Variants in MYT1 observed in about 807,000 individuals in gnomAD.
MYT1 encodes myelin transcription factor I.
In MYT1, 23 loss-of-function variants were observed where a neutral mutation model predicts 123.0. That is an observed-to-expected ratio of 0.19 (90% CI 0.13 to 0.26). The LOEUF is 0.26. Ranked by LOEUF, MYT1 falls within the 10% of genes least tolerant of loss-of-function variation. The pLI is 1.00. For missense variants in MYT1, 1,125 were observed against 1,472.5 expected (o/e 0.76, Z 3.86); for synonymous variants, 518 against 575.3 (o/e 0.90, Z 1.43).
intron 16 of MYT1, among the ~76,000 whole-genome samples, chr20:64,225,572 C>T (rs757024650): frequency 2.0e-5 from 3 of 152,138 alleles, no homozygotes; most frequent in African/African-American, 4.8e-5. Context: ...GTCCACAGCA[C>T]GGGGATGGGG....
rs1230377149 is a variant in MYT1 at position 64,190,247 on chromosome 20, A to G, written c.-1+87A>G. 1 of 152,494 alleles carries G rather than the reference A, an allele frequency of 6.6e-6. No homozygotes were observed. The highest frequency in any genetic ancestry group is 6.5e-5 in the Admixed American group (1 of 15,282). 9.4% of individuals were successfully genotyped at this position (152,494 alleles called of 1,614,324 possible). A position where few individuals can be genotyped will look rare whatever the true frequency, so the allele number is the denominator to read the frequency against. Reference sequence around the variant, plus strand: ...CTCTCTTCAGCTGCAGGCATGAAGCATGGAGGCGACTTTTGGTCTGATCCT... The same window carrying G: ...CTCTCTTCAGCTGCAGGCATGAAGCGTGGAGGCGACTTTTGGTCTGATCCT... On this transcript the variant is annotated intron_variant, in intron 2 of 22. Coordinates refer to ENST00000328439, the MANE Select transcript of MYT1 (RefSeq NM_004535.3). This position sits in a 1 kb window ranked among gnomAD's most constrained non-coding sequence, Gnocchi z 4.1.
chr20:64,226,367 G>A (rs1394437322), intron 16 of MYT1, among the ~76,000 whole-genome samples: 1 of 152,254 alleles, frequency 6.6e-6, no homozygotes, highest in Non-Finnish European at 1.5e-5. Context: ...GCGAGGAGAT[G>A]TCCTGTCCCA....
Position 64,232,214 on chromosome 20 carries a change from C to T in MYT1, c.2726C>T (p.Ala909Val), listed in dbSNP as rs1377612353. Residue 909 changes from alanine to valine, a missense_variant, in exon 19 of 23, where the codon GCC (alanine) becomes GTC (valine). Transcript: ENST00000328439. The surrounding 1 kb of genome is among the most constrained non-coding windows in gnomAD (Gnocchi z 6.9). ...VGLGHISGKYASHRSASGCPL... is the reference protein window; with the variant it reads ...VGLGHISGKYVSHRSASGCPL... ...CTCGGTCACATCAGCGGGAAATACGCCTCTCACAGGAGCGCATCCGGCTGC... is the reference window on the plus strand; with the variant it reads ...CTCGGTCACATCAGCGGGAAATACGTCTCTCACAGGAGCGCATCCGGCTGC... The T allele has an allele frequency of 2.2e-5, 36 of 1,612,612 alleles. No homozygotes were observed. The highest frequency in any genetic ancestry group is 2.5e-5 in the Non-Finnish European group (30 of 1,179,900).
Position 64,216,811 on chromosome 20 carries a change from T to C in MYT1, c.1632-256T>C, listed in dbSNP as rs757878031. Among the ~76,000 whole-genome samples the C allele has an allele frequency of 4.5e-4, 69 of 152,168 alleles. 1 individual carries two copies. The highest frequency in any genetic ancestry group is 1.3e-4 in the Admixed American group (2 of 15,278). ...CTGATGCTGTCAGCAGGACAGGCCA[T>C]TGATTATTTGAGGGTCCTATTGCTT... On this transcript the variant is annotated intron_variant, in intron 10 of 22. Transcript: ENST00000328439.
Position 64,218,081 on chromosome 20 carries a change from C to T in MYT1, c.1846+800C>T, listed in dbSNP as rs189940372. Among the ~76,000 whole-genome samples, 5 of 152,280 alleles carry T rather than the reference C, an allele frequency of 3.3e-5. No homozygotes were observed. Among genetic ancestry groups the T allele is most frequent in the East Asian group, 3.9e-4 (2 of 5,184 alleles). On this transcript the variant is annotated intron_variant, in intron 11 of 22. Coordinates refer to ENST00000328439, the MANE Select transcript of MYT1 (RefSeq NM_004535.3). The surrounding 1 kb of genome is among the most constrained non-coding windows in gnomAD (Gnocchi z 4.0). ...AGAATAATAAAAGTACTGATTGATGCGGCTGCCAGTGGGGTGTGAGCCTCT... is the reference window on the plus strand; with the variant it reads ...AGAATAATAAAAGTACTGATTGATGTGGCTGCCAGTGGGGTGTGAGCCTCT...
Position 64,218,858 on chromosome 20 carries a change from C to G in MYT1, c.1847-53C>G. 1 of 1,611,534 alleles carries G rather than the reference C, an allele frequency of 6.2e-7. No homozygotes were observed. Among genetic ancestry groups the G allele is most frequent in the South Asian group, 1.1e-5 (1 of 91,066 alleles). On this transcript the variant is annotated intron_variant, in intron 11 of 22. Transcript: ENST00000328439. This position sits in a 1 kb window ranked among gnomAD's most constrained non-coding sequence, Gnocchi z 4.0. ...AACCTTTCCCAAAGGCCTCTTCCCC[C>G]AGGCACAGCCCCTCCAGTAGTTATG...
rs913246648 is a variant in MYT1, at chr20:64,241,918, TCTTTTTCCATTTTGGGTTC to T, written c.*1476_*1494del. On this transcript the variant is annotated 3_prime_UTR_variant, in exon 23 of 23. Transcript: ENST00000328439. The surrounding 1 kb of genome is among the most constrained non-coding windows in gnomAD (Gnocchi z 4.2). ...AATGGAGAGAAAGACATTTTGGTTT[TCTTTTTCCATTTTGGGTTC>T]CTTTTGTTTCAGGCACGGATAACAG... is the stretch of plus-strand genomic sequence containing the variant. The T allele has an allele frequency of 1.3e-5, 2 of 152,442 alleles. No homozygotes were observed. Among genetic ancestry groups the T allele is most frequent in the African/African-American group, 4.8e-5 (2 of 41,462 alleles). The allele number at this position is 152,442 out of a possible 1,614,324, so 9.4% of individuals were successfully genotyped here.
chr20:64,187,935 G>T (rs1483327420), intron 1 of MYT1, among the ~76,000 whole-genome samples: 2 of 152,222 alleles, frequency 1.3e-5, no homozygotes, highest in Non-Finnish European at 2.9e-5. Context: ...CAGCGGCTTT[G>T]CTGCCTCAGG....
chr20:64,178,598 G>A (rs149807147), intron 1 of MYT1, among the ~76,000 whole-genome samples: 412 of 145,684 alleles, frequency 2.8e-3, no homozygotes, highest in African/African-American at 0.01. Flanking sequence ...GCAGCACTGA[G>A]CCGTTATTCG....
Position 64,212,553 on chromosome 20 carries a change from A to G in MYT1, c.1517+415A>G, listed in dbSNP as rs1983712435. ...CGGCCTGCAGAGGAGGGAGCAATGC[A>G]CCCTCTGTGAAGAGAGGTACAACAA... On this transcript the variant is annotated intron_variant, in intron 9 of 22. Transcript: ENST00000328439. The surrounding 1 kb of genome is among the most constrained non-coding windows in gnomAD (Gnocchi z 6.8). 1.3e-5 allele frequency among the ~76,000 whole-genome samples: 2 copies of G among 151,972 alleles called. No individual in the cohort carries two copies. Among genetic ancestry groups the G allele is most frequent in the Non-Finnish European group, 1.5e-5 (1 of 67,976 alleles).
At chr20:64,240,082 CA>C (rs1800495480) in intron 22 of MYT1, among the ~76,000 whole-genome samples, 179 bp downstream of exon 22, 1 of 152,202 alleles carries the variant, frequency 6.6e-6, no homozygotes, top group Non-Finnish European at 1.5e-5. Flanking sequence ...TGGGTTTAGC[CA>C]CCATAATGAG....
In MYT1 at chr20:64,211,242, C is replaced by T. The variant is rs1206383226; in HGVS notation, c.1328C>T (p.Pro443Leu). The change falls in exon 8 of 23, where the codon CCA (proline) becomes CTA (leucine). Residue 443 changes from proline (P) to leucine (L), a missense_variant. This residue lies in a region of MYT1 where 429 missense variants were observed against 604.1 expected (regional missense o/e 0.71). Transcript: ENST00000328439. ...GCTGAGAAGCGTGAGATCAAGTGTC[C>T]AACACCAGGCTGTGATGGCACTGGC... ...SRAEKREIKCPTPGCDGTGHV... is the reference protein window; with the variant it reads ...SRAEKREIKCLTPGCDGTGHV... 1.2e-6 allele frequency: 2 copies of T among 1,613,982 alleles called. No homozygotes were observed. Among genetic ancestry groups the T allele is most frequent in the South Asian group, 2.2e-5 (2 of 90,998 alleles).
rs767677746 is a variant in MYT1 at position 64,223,151 on chromosome 20, G to A, written c.2437G>A (p.Gly813Arg). The A allele has an allele frequency of 1.6e-5, 26 of 1,613,934 alleles. No individual in the cohort carries two copies. Among genetic ancestry groups the A allele is most frequent in the Non-Finnish European group, 1.9e-5 (23 of 1,180,026 alleles). The change falls in exon 15 of 23, where the codon GGG becomes AGG. Residue 813 changes from glycine to arginine, a missense_variant. Gly to Arg is a moderately radical substitution (Grantham distance 125, BLOSUM62 -2). Transcript: ENST00000328439. ...PGCDGSGHIT[G>R]NYASHRSLSG... ...CTGTGACGGCAGCGGCCACATCACC[G>A]GGAACTACGCCTCCCACCGCAGGTT...
At chr20:64,234,824 C>A (rs112907830) in intron 19 of MYT1, among the ~76,000 whole-genome samples, 1 of 132,658 alleles carries the variant, frequency 7.5e-6, no homozygotes, top group South Asian at 2.5e-4. Flanking sequence ...GGTGGGTGAC[C>A]CCGAGCTGGC....
At position 64,208,018 on chromosome 20, in the gene MYT1, T is replaced by C; in HGVS notation, c.822T>C (p.Asp274=). ...AGGAGGAAGAGGAGGAGGAGGAGGATGAAGAAGAGGAAGAGGAAGAGGAGG... is the reference window on the plus strand; with the variant it reads ...AGGAGGAAGAGGAGGAGGAGGAGGACGAAGAAGAGGAAGAGGAAGAGGAGG... The part of the protein sequence containing the change: ...EEEEEEEEEE[D]EEEEEEEEEE... Residue 274 remains aspartate, a synonymous_variant, in exon 7 of 23, where the codon GAT becomes GAC. Transcript: ENST00000328439. This position sits in a 1 kb window ranked among gnomAD's most constrained non-coding sequence, Gnocchi z 5.4. The C allele has an allele frequency of 1.3e-6, 2 of 1,484,546 alleles. No homozygotes were observed. Among genetic ancestry groups the C allele is most frequent in the Non-Finnish European group, 1.8e-6 (2 of 1,117,192 alleles). 92.0% of individuals were successfully genotyped at this position (1,484,546 alleles called of 1,614,324 possible). A position where few individuals can be genotyped will look rare whatever the true frequency, so the allele number is the denominator to read the frequency against.
intron 5 of MYT1, among the ~76,000 whole-genome samples, chr20:64,205,305 C>T (rs1983453498): frequency 7.1e-6 from 1 of 140,516 alleles, no homozygotes; most frequent in Admixed American, 7.0e-5. Context: ...CATCTGACCT[C>T]CCGCGAGGCA....
chr20:64,232,767 C>T lies in MYT1; in HGVS notation c.2897+382C>T, dbSNP rs892021157. On this transcript the variant is annotated intron_variant, in intron 19 of 22. Transcript: ENST00000328439. The surrounding 1 kb of genome is among the most constrained non-coding windows in gnomAD (Gnocchi z 6.9). ...TGTCTCCTACACCTTATGCCCTGTC[C>T]CTCCCATTCATACCTTCTCAGGAAA... 2.6e-5 allele frequency among the ~76,000 whole-genome samples: 4 copies of T among 151,800 alleles called. No homozygotes were observed. Among genetic ancestry groups the T allele is most frequent in the Admixed American group, 6.6e-5 (1 of 15,226 alleles).
chr20:64,239,944 C>T (rs1298509236), intron 22 of MYT1, 41 bp downstream of exon 22: 5 of 1,602,260 alleles, frequency 3.1e-6, no homozygotes, highest in Non-Finnish European at 4.2e-6. Context: ...AGCTACCCCC[C>T]AGGGTCTCTT....
At chr20:64,205,872 G>C (rs536366715) in intron 6 of MYT1, 72 bp downstream of exon 6, 29 of 1,571,212 alleles carry the variant, frequency 1.8e-5, no homozygotes, top group Non-Finnish European at 2.0e-5. Flanking sequence ...GCCTGTGAGC[G>C]GGGAGGGGCT....
Sources: allele counts gnomAD v4.1 joint callset (sites outside exome capture counted in the v4.1 genomes callset), GRCh38; gene constraint gnomAD v4.1.1; regional missense constraint gnomAD v4.1.1; non-coding constraint Gnocchi (gnomAD v3.1); transcripts MANE v1.5; gene names NCBI Gene and HGNC (gene_info 2026-07-23, HGNC 2026-07-21).